Variants in EPB41L3 observed in about 807,000 individuals in gnomAD.
EPB41L3 encodes band 4.1-like protein 3.
A neutral mutation model predicts 127.1 loss-of-function variants in EPB41L3; 57 were observed. That is an observed-to-expected ratio of 0.45 (90% CI 0.36 to 0.56). The LOEUF (loss-of-function observed/expected upper bound fraction) is 0.56. EPB41L3 is among the 20% of genes least tolerant of loss of function. EPB41L3 has a pLI of 0.00. For synonymous variants in EPB41L3, 572 were observed against 549.5 expected (o/e 1.04, Z -0.57); for missense variants, 1,273 against 1,372.2 (o/e 0.93, Z 1.14).
intron 1 of EPB41L3, among the ~76,000 whole-genome samples, chr18:5,540,914 C>T (rs142396218): frequency 6.6e-6 from 1 of 151,978 alleles, no homozygotes; most frequent in Non-Finnish European, 1.5e-5. Context: ...GAAACCCCTT[C>T]TCTACCAAAA....
At chr18:5,539,369 A>G (rs2093661888) in intron 1 of EPB41L3, among the ~76,000 whole-genome samples, 1 of 152,218 alleles carries the variant, frequency 6.6e-6, no homozygotes, top group African/African-American at 2.4e-5. Context: ...ACTGCAAATT[A>G]CAAAAGAATT....
At chr18:5,484,084 CTCAAAAAAA>C in intron 2 of EPB41L3, among the ~76,000 whole-genome samples, 1 of 5,750 alleles carries the variant, frequency 1.7e-4, no homozygotes, top group African/African-American at 3.4e-4. Context: ...TCCAAACAAA[CTCAAAAAAA>C]AAAAAAAAAA....
At chr18:5,414,530 T>C (rs1277818044) in intron 13 of EPB41L3, among the ~76,000 whole-genome samples, 1 of 152,226 alleles carries the variant, frequency 6.6e-6, no homozygotes, top group Non-Finnish European at 1.5e-5. Flanking sequence ...AATTATGACT[T>C]TCTAGCTGAG....
At chr18:5,437,922 T>A in intron 6 of EPB41L3, 113 bp downstream of exon 6, 1 of 854,074 alleles carries the variant, frequency 1.2e-6, no homozygotes, top group Non-Finnish European at 1.8e-6. Flanking sequence ...GTTTGCCATT[T>A]GAGCGTGGAT....
intron 1 of EPB41L3, among the ~76,000 whole-genome samples, chr18:5,496,224 T>C (rs1002098289): frequency 2.6e-5 from 4 of 152,248 alleles, no homozygotes; most frequent in Non-Finnish European, 4.4e-5. Flanking sequence ...TAGTTTAGAA[T>C]ATATAGAGAG....
chr18:5,407,886 C>A, intron 14 of EPB41L3, 150 bp from the exon 15 acceptor site: 1 of 687,702 alleles, frequency 1.5e-6, no homozygotes. Context: ...CAAACCACAA[C>A]ATTCTCACAC....
intron 3 of EPB41L3, among the ~76,000 whole-genome samples, chr18:5,601,324 C>T (rs1041388940): frequency 6.6e-6 from 1 of 152,114 alleles, no homozygotes; most frequent in African/African-American, 2.4e-5. Flanking sequence ...GATAAAACCA[C>T]CCCTACCTCC....
chr18:5,470,724 A>G (rs1440859108), intron 3 of EPB41L3, among the ~76,000 whole-genome samples: 3 of 152,228 alleles, frequency 2.0e-5, no homozygotes, highest in Admixed American at 2.0e-4. Flanking sequence ...AGACAAGCTA[A>G]AGGTGTACCT....
chr18:5,440,282 A>G (rs1469854152), intron 5 of EPB41L3, among the ~76,000 whole-genome samples: 1 of 152,182 alleles, frequency 6.6e-6, no homozygotes, highest in Non-Finnish European at 1.5e-5. Flanking sequence ...CACACAAAAA[A>G]CACATCTTTC....
intron 1 of EPB41L3, among the ~76,000 whole-genome samples, chr18:5,535,403 T>C (rs964021011): frequency 6.6e-6 from 1 of 152,178 alleles, no homozygotes; most frequent in Admixed American, 6.5e-5. Flanking sequence ...GACAACCTAG[T>C]CAATCTCTAT....
intron 3 of EPB41L3, among the ~76,000 whole-genome samples, chr18:5,475,774 A>G (rs1212903030): frequency 6.6e-6 from 1 of 152,212 alleles, no homozygotes; most frequent in Non-Finnish European, 1.5e-5. Flanking sequence ...ATTTCATAAT[A>G]AAACTGGAGT....
chr18:5,519,394 G>A (rs73381521), intron 1 of EPB41L3, among the ~76,000 whole-genome samples: 1,644 of 152,200 alleles, frequency 0.011, 26 homozygotes, highest in African/African-American at 0.038. Context: ...CAGTCTATCC[G>A]GATTGCTTCC....
intron 3 of EPB41L3, among the ~76,000 whole-genome samples, chr18:5,445,762 T>C (rs1466570195): frequency 6.6e-6 from 1 of 152,170 alleles, no homozygotes; most frequent in Non-Finnish European, 1.5e-5. Flanking sequence ...GAGCAAGCAT[T>C]GCCAACCTGA....
chr18:5,559,722 T>C (rs2094096415), intron 3 of EPB41L3, among the ~76,000 whole-genome samples: 1 of 152,010 alleles, frequency 6.6e-6, no homozygotes, highest in Non-Finnish European at 1.5e-5. Flanking sequence ...TCATACAACA[T>C]TTACTGGGTT....
intron 3 of EPB41L3, among the ~76,000 whole-genome samples, chr18:5,458,155 T>A (rs1015499105): frequency 6.6e-6 from 1 of 152,202 alleles, no homozygotes; most frequent in Non-Finnish European, 1.5e-5. Context: ...TGTTTATATT[T>A]CTCTACCATG....
intron 3 of EPB41L3, among the ~76,000 whole-genome samples, chr18:5,560,218 CA>C (rs2094104632): frequency 1.3e-5 from 2 of 152,154 alleles, no homozygotes; most frequent in Admixed American, 1.3e-4. Flanking sequence ...GGAAATAGCA[CA>C]AGAGCTGATT....
At chr18:5,589,408 G>T (rs1052824317) in intron 3 of EPB41L3, among the ~76,000 whole-genome samples, 1 of 151,852 alleles carries the variant, frequency 6.6e-6, no homozygotes, top group Non-Finnish European at 1.5e-5. Context: ...TTAACTCAAG[G>T]TGATTATGAC....
chr18:5,410,491 G>A, intron 14 of EPB41L3, 75 bp downstream of exon 14: 1 of 1,051,754 alleles, frequency 9.5e-7, no homozygotes, highest in Non-Finnish European at 1.5e-6. Context: ...CATATGTGGA[G>A]TTCTTAAACA....
At chr18:5,503,727 T>C (rs2148551718) in intron 1 of EPB41L3, among the ~76,000 whole-genome samples, 1 of 152,364 alleles carries the variant, frequency 6.6e-6, no homozygotes, top group Non-Finnish European at 1.5e-5. Context: ...CATATTTTGA[T>C]TACTATGACA....
Sources: gnomAD v4.1 joint callset for allele counts (sites outside exome capture counted in the v4.1 genomes callset) on GRCh38, gnomAD v4.1.1 for gene constraint, MANE v1.5 for transcripts, NCBI Gene and HGNC (gene_info 2026-07-23, HGNC 2026-07-21) for gene names.